Variants in DNMT3A observed in about 807,000 individuals in gnomAD.
DNMT3A encodes the protein DNA methyltransferase 3 alpha.
DNMT3A carries 267 observed loss-of-function variants against 117.6 expected under a neutral mutation model. The ratio of observed to expected loss-of-function variants is 2.27; its 90% confidence interval spans 2.05 to 2.51. The LOEUF (loss-of-function observed/expected upper bound fraction) is 2.51. DNMT3A is among the 30% of genes most tolerant of loss of function. DNMT3A has a pLI of 0.00. For synonymous variants in DNMT3A, 432 were observed against 474.8 expected, an observed-to-expected ratio of 0.91 and a Z score of 1.17; for missense variants, 1,029 against 1,260.2, an observed-to-expected ratio of 0.82 and a Z score of 2.78.
At chr2:25,309,008 CAT>C (rs1558730781) in intron 2 of DNMT3A, among the ~76,000 whole-genome samples, 2 of 152,186 alleles carry the variant, frequency 1.3e-5, no homozygotes, top group Non-Finnish European at 2.9e-5. Flanking sequence ...CACGCACGCA[CAT>C]GTGCAAACAC....
At chr2:25,274,883 A>T in intron 6 of DNMT3A, 58 bp downstream of exon 6, 1 of 1,564,858 alleles carries the variant, frequency 6.4e-7, no homozygotes, top group Non-Finnish European at 8.7e-7. Context: ...GAGGCCCATC[A>T]CTTCTGGTTT....
chr2:25,308,654 A>T (rs1460665803), intron 2 of DNMT3A, among the ~76,000 whole-genome samples: 1 of 152,076 alleles, frequency 6.6e-6, no homozygotes, highest in Non-Finnish European at 1.5e-5. Context: ...CTATTTAAAC[A>T]TACTAAGAAG....
intron 1 of DNMT3A, chr2:25,314,634 G>A (rs1277745714): frequency 7.1e-6 from 7 of 985,280 alleles, no homozygotes; most frequent in East Asian, 1.1e-4. Context: ...ACAGGATGTA[G>A]TGAAATGAAT....
chr2:25,244,287 CTGG>C lies in DNMT3A; in HGVS notation c.1716_1718del (p.Gln573del). The stretch of plus-strand genomic sequence containing the variant: ...TCCAGGGGTCTTCCTTAATGGCTGC[CTGG>C]GCAGCCCCCGGCCCCACCAAGAGGT... On this transcript the variant is annotated inframe_deletion, in exon 15 of 23. Coordinates refer to ENST00000321117, the MANE Select transcript of DNMT3A (RefSeq NM_022552.5). The C allele has an allele frequency of 6.2e-7, 1 of 1,612,322 alleles. No homozygotes were observed. Among genetic ancestry groups the C allele is most frequent in the Non-Finnish European group, 8.5e-7 (1 of 1,179,382 alleles).
In DNMT3A at chr2:25,275,439, G is replaced by A; in HGVS notation, c.492+61C>T. ...ACCCTCCGCCCCCTCACACACACTC[G>A]CCACCCGTGTCCTTCTTCTAGAATC... On this transcript the variant is annotated intron_variant, in intron 5 of 22. Coordinates refer to ENST00000321117, the MANE Select transcript of DNMT3A (RefSeq NM_022552.5). 3 of 1,371,070 alleles carry A rather than the reference G, an allele frequency of 2.2e-6. No homozygotes were observed. Among genetic ancestry groups the A allele is most frequent in the Non-Finnish European group, 2.0e-6 (2 of 1,013,198 alleles). 84.9% of individuals were successfully genotyped at this position (1,371,070 alleles called of 1,614,324 possible). A position where few individuals can be genotyped will look rare whatever the true frequency, so the allele number is the denominator to read the frequency against.
rs1344387474 is a variant in DNMT3A at position 25,331,450 on chromosome 2, C to T, written c.-178+10376G>A. Among the ~76,000 whole-genome samples the T allele has an allele frequency of 4.6e-5, 7 of 152,320 alleles. No individual in the cohort carries two copies. In the East Asian group the frequency reaches 5.8e-4, roughly 13 times the overall value. On this transcript the variant is annotated intron_variant, in intron 1 of 22. Coordinates refer to ENST00000321117, the MANE Select transcript of DNMT3A (RefSeq NM_022552.5). ...CCAGCTTGTCCCTCCTATCTCTCTC[C>T]GCAGACCTGCCTCTGAATGGAGAGT...
At chr2:25,278,307 A>T (rs2031622635) in intron 4 of DNMT3A, among the ~76,000 whole-genome samples, 1 of 152,228 alleles carries the variant, frequency 6.6e-6, no homozygotes, top group Non-Finnish European at 1.5e-5. Flanking sequence ...ATACTCAGCC[A>T]GAGGCCACCC....
At chr2:25,328,014 CG>C (rs1246616268) in intron 1 of DNMT3A, among the ~76,000 whole-genome samples, 1 of 152,174 alleles carries the variant, frequency 6.6e-6, no homozygotes, top group Non-Finnish European at 1.5e-5. Flanking sequence ...TGCCCTGGAG[CG>C]GGTCCACCTG....
In DNMT3A at chr2:25,243,915, A is replaced by C; in HGVS notation, c.1919T>G (p.Phe640Cys). 1 of 1,552,046 alleles carries C rather than the reference A, an allele frequency of 6.4e-7. No individual in the cohort carries two copies. The highest frequency in any genetic ancestry group is 8.7e-7 in the Non-Finnish European group (1 of 1,147,078). The stretch of plus-strand genomic sequence containing the variant: ...CCCCTCACCTGTAGCGATTCCATCA[A>C]AGAGAGACAGCACCCGGATGGGCTT... ...KRKPIRVLSL[F>C]DGIATGLLVL... Residue 640 changes from phenylalanine to cysteine, a missense_variant, in exon 16 of 23, where the codon TTT becomes TGT. Phe to Cys is a radical substitution (Grantham distance 205). Transcript: ENST00000321117.
In DNMT3A at chr2:25,248,054, C is replaced by T. The variant is rs893934873; in HGVS notation, c.838G>A (p.Asp280Asn). 8.7e-6 allele frequency: 14 copies of T among 1,612,266 alleles called. No individual in the cohort carries two copies. Among genetic ancestry groups the T allele is most frequent in the African/African-American group, 1.3e-5 (1 of 74,980 alleles). ...GDKNATKAGD[D>N]EPEYEDGRGF... The stretch of plus-strand genomic sequence containing the variant: ...CCGCTCACCTCGTACTCTGGCTCGT[C>T]ATCGCCTGCTTTGGTGGCATTCTTG... Residue 280 changes from aspartate (D) to asparagine (N), a missense_variant, in exon 7 of 23, where the codon GAC becomes AAC. Asp to Asn is a conservative substitution (Grantham distance 23, BLOSUM62 1). Coordinates refer to ENST00000321117, the MANE Select transcript of DNMT3A (RefSeq NM_022552.5).
rs1672996373 is a variant in DNMT3A at position 25,233,568 on chromosome 2, C to A, written c.*711G>T. 1 of 233,136 alleles carries A rather than the reference C, an allele frequency of 4.3e-6. No individual in the cohort carries two copies. Among genetic ancestry groups the A allele is most frequent in the African/African-American group, 2.2e-5 (1 of 45,196 alleles). 14.4% of individuals were successfully genotyped at this position (233,136 alleles called of 1,614,324 possible). On this transcript the variant is annotated 3_prime_UTR_variant, in exon 23 of 23. Transcript: ENST00000321117. Reference sequence around the variant, plus strand: ...TCCTGTGTGGTAGGCACCTGAAATACTGTAGAAAAATGTCTTGTGTGGTGT... The same window carrying A: ...TCCTGTGTGGTAGGCACCTGAAATAATGTAGAAAAATGTCTTGTGTGGTGT...
In DNMT3A at chr2:25,248,109, C is replaced by T. The variant is rs778366400; in HGVS notation, c.783G>A (p.Thr261=). ...CAGCATCGGACCCCACGGGCTCAGG[C>T]GTGGTAGCCACAGTGGGGGATGCGG... ...TDPASPTVAT[T]PEPVGSDAGD... is the part of the protein sequence containing the mutation. The change falls in exon 7 of 23, where the codon ACG becomes ACA. Residue 261 remains threonine (T), a synonymous_variant. Transcript: ENST00000321117. 25 of 1,613,366 alleles carry T rather than the reference C, an allele frequency of 1.5e-5. No individual in the cohort carries two copies. Among genetic ancestry groups the T allele is most frequent in the Admixed American group, 3.3e-5 (2 of 59,954 alleles).
At chr2:25,248,519 G>C (rs959146555) in intron 6 of DNMT3A, among the ~76,000 whole-genome samples, 2 of 151,988 alleles carry the variant, frequency 1.3e-5, no homozygotes, top group African/African-American at 4.8e-5. Flanking sequence ...CAGCATATCG[G>C]TTGCCTACCC....
chr2:25,282,517 G>C lies in DNMT3A; in HGVS notation c.372C>G (p.Thr124=), dbSNP rs2149378872. 6.2e-7 allele frequency: 1 copy of C among 1,613,406 alleles called. No homozygotes were observed. The highest frequency in any genetic ancestry group is 8.5e-7 in the Non-Finnish European group (1 of 1,179,932). The change falls in exon 4 of 23, where the codon ACC becomes ACG. Residue 124 remains threonine (T), a synonymous_variant. Transcript: ENST00000321117. This position sits in a 1 kb window ranked among gnomAD's most constrained non-coding sequence, Gnocchi z 5.2. Reference sequence around the variant, plus strand: ...CCACTGCTCTTGAGGCTTCAGGCAGGGTCTCAGCTGCACCCTCTCCCTCTG... The same window carrying C: ...CCACTGCTCTTGAGGCTTCAGGCAGCGTCTCAGCTGCACCCTCTCCCTCTG... ...APAEGEGAAE[T]LPEASRAVEN... is the part of the protein sequence containing the mutation.
intron 3 of DNMT3A, among the ~76,000 whole-genome samples, chr2:25,299,902 G>C (rs551724368): frequency 6.6e-6 from 1 of 152,310 alleles, no homozygotes; most frequent in East Asian, 1.9e-4. Context: ...CTGCACTCCA[G>C]CCTGGGCAAC....
chr2:25,306,440 T>C lies in DNMT3A; in HGVS notation c.73-6197A>G, dbSNP rs943679538. Reference sequence around the variant, plus strand: ...CATAATTACCGAGGAAAGCCTTCCATCCTCCTGAAAGGCCACTCTCCTGGA... The same window carrying C: ...CATAATTACCGAGGAAAGCCTTCCACCCTCCTGAAAGGCCACTCTCCTGGA... On this transcript the variant is annotated intron_variant, in intron 2 of 22. Coordinates refer to ENST00000321117, the MANE Select transcript of DNMT3A (RefSeq NM_022552.5). The surrounding 1 kb of genome is among the most constrained non-coding windows in gnomAD (Gnocchi z 4.1). 1.3e-5 allele frequency among the ~76,000 whole-genome samples: 2 copies of C among 152,164 alleles called. No homozygotes were observed. Among genetic ancestry groups the C allele is most frequent in the Non-Finnish European group, 2.9e-5 (2 of 68,034 alleles).
chr2:25,245,281 AAG>A lies in DNMT3A; in HGVS notation c.1524_1525del (p.Phe509ArgfsTer36). On this transcript the variant is annotated frameshift_variant, in exon 13 of 23. Transcript: ENST00000321117. LOFTEE classifies it high-confidence loss of function. ...GCAGTTTTGGCACATTCCTCCAACG[AAG>A]AGGGGGTGTTCCAGGGTAACATTGA... 1 of 1,613,886 alleles carries A rather than the reference AAG, an allele frequency of 6.2e-7. No individual in the cohort carries two copies. The highest frequency in any genetic ancestry group is 8.5e-7 in the Non-Finnish European group (1 of 1,179,968).
In DNMT3A at chr2:25,302,133, C is replaced by T. The variant is rs76732317; in HGVS notation, c.73-1890G>A. Among the ~76,000 whole-genome samples the T allele has an allele frequency of 3.8e-3, 581 of 152,102 alleles. 6 individuals are homozygous for T. Among genetic ancestry groups the T allele is most frequent in the African/African-American group, 0.013 (551 of 41,484 alleles). Reference sequence around the variant, plus strand: ...CACATGGAGGGTGAACAGAGGTGCCCGGTCTTAGCATAGGTGGTGGCCACA... The same window carrying T: ...CACATGGAGGGTGAACAGAGGTGCCTGGTCTTAGCATAGGTGGTGGCCACA... On this transcript the variant is annotated intron_variant, in intron 2 of 22. Coordinates refer to ENST00000321117, the MANE Select transcript of DNMT3A (RefSeq NM_022552.5).
chr2:25,248,612 A>G (rs1364695773), intron 6 of DNMT3A, among the ~76,000 whole-genome samples: 2 of 152,016 alleles, frequency 1.3e-5, no homozygotes, highest in African/African-American at 4.8e-5. Flanking sequence ...CAGTGGCGCA[A>G]TCTCGGCTCA....
Sources: allele counts gnomAD v4.1 joint callset (sites outside exome capture counted in the v4.1 genomes callset), GRCh38; gene constraint gnomAD v4.1.1; non-coding constraint Gnocchi (gnomAD v3.1); transcripts MANE v1.5; gene names NCBI Gene and HGNC (gene_info 2026-07-23, HGNC 2026-07-21).